Variants in SLC7A6 observed in about 807,000 individuals in gnomAD.
The protein encoded by SLC7A6 is solute carrier family 7 member 6.
SLC7A6 carries 29 observed loss-of-function variants against 46.6 expected under a neutral mutation model. The observed-to-expected ratio is 0.62, with a 90% confidence interval of 0.46 to 0.85. The LOEUF is 0.85. SLC7A6 is among the 40% of genes least tolerant of loss of function. The probability of loss-of-function intolerance (pLI) is 0.00; values close to 1 mark genes in which losing one functional copy is unlikely to be tolerated. For synonymous variants in SLC7A6, 276 were observed against 257.3 expected, an observed-to-expected ratio of 1.07 and a Z score of -0.70; for missense variants, 527 against 647.6, an observed-to-expected ratio of 0.81 and a Z score of 2.02.
intron 3 of SLC7A6, among the ~76,000 whole-genome samples, chr16:68,279,681 G>T (rs1164718159): frequency 6.6e-6 from 1 of 152,194 alleles, no homozygotes; most frequent in East Asian, 1.9e-4. Flanking sequence ...TGGGATTACA[G>T]GTGCAAGCTA....
At position 68,301,015 on chromosome 16, in the gene SLC7A6, C is replaced by A; in HGVS notation, c.*3687C>A. The A allele has an allele frequency of 1.8e-6, 2 of 1,128,960 alleles. No individual in the cohort carries two copies. Among genetic ancestry groups the A allele is most frequent in the Non-Finnish European group, 2.2e-6 (2 of 923,508 alleles). The allele number at this position is 1,128,960 out of a possible 1,614,324, so 69.9% of individuals were successfully genotyped here. On this transcript the variant is annotated 3_prime_UTR_variant, in exon 11 of 11. Transcript: ENST00000219343. ...AAGAAGCTAAAGCTAAAGAAACCTT[C>A]CTTTTTTCAACGTTTTTTTTTCTTT...
chr16:68,285,668 A>G (rs2042915503), intron 3 of SLC7A6, among the ~76,000 whole-genome samples: 1 of 152,156 alleles, frequency 6.6e-6, no homozygotes, highest in African/African-American at 2.4e-5. Flanking sequence ...ACTTCTCTCC[A>G]TTTGAATGGA....
intron 2 of SLC7A6, 128 bp downstream of exon 2, chr16:68,266,849 CATATTAA>C (rs1294970473): frequency 6.6e-6 from 1 of 152,048 alleles, no homozygotes; most frequent in East Asian, 1.9e-4. Flanking sequence ...TTTAGTATTA[CATATTAA>C]ATAACACTGT....
chr16:68,287,338 C>T (rs2042956838), intron 3 of SLC7A6: 7 of 1,289,900 alleles, frequency 5.4e-6, no homozygotes, highest in African/African-American at 1.5e-5. Flanking sequence ...CTGCCATCTG[C>T]ATTCAAATTT....
intron 5 of SLC7A6, chr16:68,290,898 A>G: frequency 8.4e-6 from 4 of 477,550 alleles, no homozygotes. Context: ...CCAGCCTGGC[A>G]TCCAGTCCCC....
At position 68,291,628 on chromosome 16, in the gene SLC7A6, G is replaced by C; in HGVS notation, c.989G>C (p.Gly330Ala). The C allele has an allele frequency of 6.2e-7, 1 of 1,614,098 alleles. No individual in the cohort carries two copies. The highest frequency in any genetic ancestry group is 8.5e-7 in the Non-Finnish European group (1 of 1,179,996). Residue 330 changes from glycine (G) to alanine (A), a missense_variant, in exon 7 of 11, where the codon GGG (glycine) becomes GCG (alanine). Gly to Ala is a moderately conservative substitution (Grantham distance 60). Coordinates refer to ENST00000219343, the MANE Select transcript of SLC7A6 (RefSeq NM_003983.6). ...IPIAVALSCF[G>A]GLNASIFASS... ...ATTGCTGTTGCCCTGTCCTGCTTTGGGGGCCTCAATGCATCCATCTTTGCT... is the reference window on the plus strand; with the variant it reads ...ATTGCTGTTGCCCTGTCCTGCTTTGCGGGCCTCAATGCATCCATCTTTGCT...
chr16:68,269,806 A>T (rs942595984), intron 2 of SLC7A6, among the ~76,000 whole-genome samples: 2 of 151,758 alleles, frequency 1.3e-5, no homozygotes, highest in African/African-American at 4.8e-5. Flanking sequence ...TCACTCTGTC[A>T]CCAAGGCTGG....
At position 68,290,775 on chromosome 16, in the gene SLC7A6, G is replaced by C. The variant is rs543256545; in HGVS notation, c.794+235G>C. On this transcript the variant is annotated intron_variant, in intron 5 of 10. Transcript: ENST00000219343. ...GAGGATAGGGCCTTCCTAGAGGAGA[G>C]GGCCTTCAGTGGGGAGCAGCAGGCC... is the stretch of plus-strand genomic sequence containing the variant. 4 of 551,628 alleles carry C rather than the reference G, an allele frequency of 7.3e-6. No homozygotes were observed. In the African/African-American group the frequency reaches 7.6e-5, roughly 10 times the overall value. 34.2% of individuals were successfully genotyped at this position (551,628 alleles called of 1,614,324 possible).
intron 2 of SLC7A6, among the ~76,000 whole-genome samples, chr16:68,268,548 C>T (rs994178823): frequency 1.3e-5 from 2 of 152,308 alleles, no homozygotes; most frequent in Non-Finnish European, 2.9e-5. Context: ...GCTTTTCCCC[C>T]CTTTCATCCC....
At chr16:68,284,359 C>CGATAAACCAT (rs2042885507) in intron 3 of SLC7A6, 1 of 152,146 alleles carries the variant, frequency 6.6e-6, no homozygotes, top group Non-Finnish European at 1.5e-5. Context: ...CGTATGTTCA[C>CGATAAACCAT]GGTAAACCAT....
intron 2 of SLC7A6, among the ~76,000 whole-genome samples, chr16:68,270,782 GTTGT>G (rs2042610698): frequency 6.6e-6 from 1 of 151,550 alleles, no homozygotes; most frequent in Non-Finnish European, 1.5e-5. Flanking sequence ...AAGAAAAATT[GTTGT>G]TTGTCACTGG....
At chr16:68,286,061 C>T (rs1468149635) in intron 3 of SLC7A6, among the ~76,000 whole-genome samples, 4 of 133,432 alleles carry the variant, frequency 3.0e-5, no homozygotes, top group Non-Finnish European at 1.5e-5. Context: ...GCACCCACTC[C>T]AGCCTGGGTG....
intron 4 of SLC7A6, chr16:68,290,054 GGAA>G (rs1261642523): frequency 4.7e-6 from 1 of 213,246 alleles, no homozygotes; most frequent in African/African-American, 2.3e-5. Flanking sequence ...TTAGGGTTTT[GGAA>G]GAAGTATTGT....
At chr16:68,280,158 A>G (rs1315940816) in intron 3 of SLC7A6, among the ~76,000 whole-genome samples, 2 of 152,218 alleles carry the variant, frequency 1.3e-5, no homozygotes, top group Non-Finnish European at 2.9e-5. Flanking sequence ...GCACGAAACC[A>G]ATTAGGTTAT....
intron 2 of SLC7A6, among the ~76,000 whole-genome samples, chr16:68,267,697 AAT>A (rs1389191297): frequency 6.6e-6 from 1 of 152,210 alleles, no homozygotes; most frequent in Admixed American, 6.5e-5. Flanking sequence ...AGATCAAAGT[AAT>A]GTCTTTTTGT....
rs895073398 is a variant in SLC7A6 at position 68,277,712 on chromosome 16, C to T, written c.523+2463C>T. Among the ~76,000 whole-genome samples, 83 of 152,154 alleles carry T rather than the reference C, an allele frequency of 5.5e-4. 1 individual carries two copies. Among genetic ancestry groups the T allele is most frequent in the Non-Finnish European group, 1.1e-3 (76 of 67,986 alleles). Reference sequence around the variant, plus strand: ...GCATTATCTCAGCTCATCGCAACCTCGGCCTCCTGGGTTCAAGCGATTCTC... The same window carrying T: ...GCATTATCTCAGCTCATCGCAACCTTGGCCTCCTGGGTTCAAGCGATTCTC... On this transcript the variant is annotated intron_variant, in intron 3 of 10. Transcript: ENST00000219343.
At chr16:68,289,351 G>A (rs540457446) in intron 4 of SLC7A6, among the ~76,000 whole-genome samples, 1 of 152,124 alleles carries the variant, frequency 6.6e-6, no homozygotes, top group Non-Finnish European at 1.5e-5. Flanking sequence ...TTAGACTGCT[G>A]GTCTAGCCTG....
rs943090568 is a variant in SLC7A6, at chr16:68,298,607, T to C, written c.*1279T>C. On this transcript the variant is annotated 3_prime_UTR_variant, in exon 11 of 11. Transcript: ENST00000219343. ...TGCAGTCTCAGGAAGAGCTTGGTAC[T>C]TGTGGGGACTTCTGTTTTCTCCCTG... is the stretch of plus-strand genomic sequence containing the variant. 3.3e-5 allele frequency: 5 copies of C among 152,280 alleles called. No homozygotes were observed. Among genetic ancestry groups the C allele is most frequent in the Non-Finnish European group, 5.9e-5 (4 of 68,102 alleles). 9.4% of individuals were successfully genotyped at this position (152,280 alleles called of 1,614,324 possible).
At chr16:68,282,325 T>C (rs1456723524) in intron 3 of SLC7A6, among the ~76,000 whole-genome samples, 3 of 151,924 alleles carry the variant, frequency 2.0e-5, no homozygotes, top group Non-Finnish European at 4.4e-5. Flanking sequence ...TCTCAGCAGT[T>C]TGGGAGGCCA....
Sources: allele counts gnomAD v4.1 joint callset (sites outside exome capture counted in the v4.1 genomes callset), GRCh38; gene constraint gnomAD v4.1.1; transcripts MANE v1.5; gene names NCBI Gene and HGNC (gene_info 2026-07-23, HGNC 2026-07-21).